The following SPMIP11 variants were observed in gnomAD, a reference collection of about 807,000 sequenced individuals.
SPMIP11 encodes the protein long intergenic non-protein coding RNA 935.
At chr12:48,760,684 C>T in the SPMIP11 span, among the ~76,000 whole-genome samples, 2 of 151,920 alleles carry the variant, frequency 1.3e-5, no homozygotes, top group African/African-American at 4.8e-5. Context: ...GCACCACCAC[C>T]CCTGGCTAAT....
chr12:48,765,234 C>T, the SPMIP11 span, among the ~76,000 whole-genome samples: 1 of 152,120 alleles, frequency 6.6e-6, no homozygotes, highest in Non-Finnish European at 1.5e-5. Flanking sequence ...AAACAAGTGT[C>T]CATAGTAATC....
the SPMIP11 span, among the ~76,000 whole-genome samples, chr12:48,743,312 G>A: frequency 6.6e-6 from 1 of 151,456 alleles, no homozygotes; most frequent in East Asian, 1.9e-4. Context: ...GAAGATTAAG[G>A]CTGCAGTGAG....
chr12:48,733,547 G>A, the SPMIP11 span, among the ~76,000 whole-genome samples: 3 of 152,228 alleles, frequency 2.0e-5, no homozygotes, highest in Admixed American at 2.0e-4. Flanking sequence ...CTTCTGAGTA[G>A]AGTGATGAAA....
At chr12:48,759,115 C>A in the SPMIP11 span, 1 of 659,622 alleles carries the variant, frequency 1.5e-6, no homozygotes, top group Non-Finnish European at 2.8e-6. Flanking sequence ...TAGGAGAGAT[C>A]CCTGCTATGC....
At chr12:48,749,467 A>T in the SPMIP11 span, among the ~76,000 whole-genome samples, 1 of 151,208 alleles carries the variant, frequency 6.6e-6, no homozygotes, top group Non-Finnish European at 1.5e-5. Flanking sequence ...TGTCTGTACT[A>T]AAAATAAAAA....
chr12:48,768,944 C>T, the SPMIP11 span: 5 of 1,610,324 alleles, frequency 3.1e-6, no homozygotes, highest in South Asian at 2.2e-5. Flanking sequence ...CACCTGGATT[C>T]GGTCGGGGAC....
At chr12:48,734,758 T>C in the SPMIP11 span, among the ~76,000 whole-genome samples, 5 of 151,860 alleles carry the variant, frequency 3.3e-5, no homozygotes, top group Admixed American at 6.6e-5. Flanking sequence ...TCCCAGCACT[T>C]TGGGAGGCCA....
At chr12:48,755,376 G>A in the SPMIP11 span, among the ~76,000 whole-genome samples, 2 of 152,102 alleles carry the variant, frequency 1.3e-5, no homozygotes, top group African/African-American at 2.4e-5. Flanking sequence ...ATCACCTACC[G>A]ACAGAATAAT....
the SPMIP11 span, among the ~76,000 whole-genome samples, chr12:48,762,644 G>A: frequency 4.6e-5 from 7 of 151,124 alleles, no homozygotes; most frequent in Non-Finnish European, 8.9e-5. Context: ...CTGGAATTAC[G>A]GGCGTGAGCC....
At chr12:48,748,169 AACATTCC>A in the SPMIP11 span, among the ~76,000 whole-genome samples, 1 of 152,154 alleles carries the variant, frequency 6.6e-6, no homozygotes, top group Non-Finnish European at 1.5e-5. Context: ...CATCCCATTT[AACATTCC>A]ACTCCATTCC....
the SPMIP11 span, among the ~76,000 whole-genome samples, chr12:48,752,741 G>A: frequency 2.0e-5 from 3 of 147,426 alleles, no homozygotes; most frequent in African/African-American, 5.0e-5. Context: ...GGGCGATCTC[G>A]GCTCACTGCA....
the SPMIP11 span, among the ~76,000 whole-genome samples, chr12:48,769,993 C>A: frequency 2.0e-5 from 3 of 151,848 alleles, no homozygotes; most frequent in East Asian, 3.8e-4. Flanking sequence ...GATCTCTTGA[C>A]CTCGTGATCC....
the SPMIP11 span, among the ~76,000 whole-genome samples, chr12:48,736,551 A>G: frequency 1.3e-5 from 2 of 152,072 alleles, no homozygotes; most frequent in African/African-American, 4.8e-5. Flanking sequence ...CACTCAAAAC[A>G]CAGCAATCTG....
At chr12:48,728,707 CAAAAA>C in the SPMIP11 span, among the ~76,000 whole-genome samples, 3 of 70,986 alleles carry the variant, frequency 4.2e-5, no homozygotes, top group South Asian at 5.3e-4. Flanking sequence ...GACTCTGTCT[CAAAAA>C]AAAAAAAAAA....
the SPMIP11 span, among the ~76,000 whole-genome samples, chr12:48,746,546 T>C: frequency 6.6e-6 from 1 of 151,762 alleles, no homozygotes; most frequent in Non-Finnish European, 1.5e-5. Flanking sequence ...TTTGTATTTT[T>C]AGTAGGGACG....
the SPMIP11 span, among the ~76,000 whole-genome samples, chr12:48,760,610 T>G: frequency 6.6e-6 from 1 of 152,242 alleles, no homozygotes; most frequent in South Asian, 2.1e-4. Context: ...CACTGCAACC[T>G]CCGCCTCCCT....
the SPMIP11 span, among the ~76,000 whole-genome samples, chr12:48,752,655 C>G: frequency 1.8e-3 from 274 of 149,950 alleles, no homozygotes; most frequent in African/African-American, 6.5e-3. Context: ...TTGAACCTTG[C>G]TCTCCTATTT....
At chr12:48,752,470 G>A in the SPMIP11 span, among the ~76,000 whole-genome samples, 1 of 152,018 alleles carries the variant, frequency 6.6e-6, no homozygotes, top group Admixed American at 6.6e-5. Context: ...TCCCTCCCAG[G>A]CTCACCATTC....
the SPMIP11 span, among the ~76,000 whole-genome samples, chr12:48,754,742 G>A: frequency 6.6e-6 from 1 of 151,022 alleles, no homozygotes; most frequent in Non-Finnish European, 1.5e-5. Context: ...GAGCCACCGC[G>A]CCTGGCCTGT....
Sources: allele counts gnomAD v4.1 joint callset (sites outside exome capture counted in the v4.1 genomes callset), GRCh38; gene constraint gnomAD v4.1.1; transcripts MANE v1.5; gene names NCBI Gene and HGNC (gene_info 2026-07-23, HGNC 2026-07-21).